Variants in TPST2 observed in about 807,000 individuals in gnomAD.
TPST2 encodes the protein tyrosylprotein sulfotransferase 2, also known as protein-tyrosine sulfotransferase 2.
In TPST2, 16 loss-of-function variants were observed where a neutral mutation model predicts 27.8. The ratio of observed to expected loss-of-function variants is 0.58; its 90% CI spans 0.39 to 0.88. The LOEUF (loss-of-function observed/expected upper bound fraction) is 0.88. Among genes scored for constraint, TPST2 ranks in the 40% least tolerant of loss-of-function variants. The pLI is 0.00. For missense variants in TPST2, 464 were observed against 543.1 expected (o/e 0.85, Z 1.45); for synonymous variants, 229 against 231.7 (o/e 0.99, Z 0.10).
chr22:26,556,519 G>A (rs551430179), intron 1 of TPST2, among the ~76,000 whole-genome samples: 6 of 152,262 alleles, frequency 3.9e-5, no homozygotes, highest in East Asian at 1.9e-4. Context: ...TAGCCTGGGC[G>A]ACAAGAGCGA....
At chr22:26,560,364 T>A (rs1400423613) in intron 1 of TPST2, among the ~76,000 whole-genome samples, 1 of 152,216 alleles carries the variant, frequency 6.6e-6, no homozygotes, top group Non-Finnish European at 1.5e-5. Flanking sequence ...TCCTCATTTG[T>A]AAAATGAGAA....
intron 1 of TPST2, among the ~76,000 whole-genome samples, chr22:26,569,375 A>G (rs2147229080): frequency 6.6e-6 from 1 of 152,354 alleles, no homozygotes; most frequent in South Asian, 2.1e-4. Context: ...ATGTACGTTC[A>G]GCTATTGATC....
intron 1 of TPST2, among the ~76,000 whole-genome samples, chr22:26,556,751 T>C (rs568009126): frequency 2.0e-5 from 3 of 152,322 alleles, no homozygotes; most frequent in South Asian, 4.1e-4. Flanking sequence ...ACAAAATCTA[T>C]GGCTGTTAGG....
At chr22:26,561,671 T>C (rs1927104159) in intron 1 of TPST2, among the ~76,000 whole-genome samples, 1 of 152,144 alleles carries the variant, frequency 6.6e-6, no homozygotes, top group African/African-American at 2.4e-5. Context: ...AAACAGCAGG[T>C]GCTCTAGGTC....
chr22:26,578,238 A>G (rs1360060416), intron 1 of TPST2, among the ~76,000 whole-genome samples: 1 of 152,118 alleles, frequency 6.6e-6, no homozygotes, highest in Non-Finnish European at 1.5e-5. Flanking sequence ...CAAGGCACAG[A>G]AAGGTGAAGT....
rs2267084 is a variant in TPST2 at position 26,546,046 on chromosome 22, C to T, written c.-160-1371G>A. 3.5e-3 allele frequency among the ~76,000 whole-genome samples: 501 copies of T among 142,486 alleles called. 14 individuals are homozygous for T. The East Asian group carries it at 0.067, about 19-fold the overall frequency. 93.5% of individuals were successfully genotyped at this position (142,486 alleles called of 152,430 possible). On this transcript the variant is annotated intron_variant, in intron 1 of 6. Coordinates refer to ENST00000338754, the MANE Select transcript of TPST2 (RefSeq NM_003595.5). ...GAGCTGTGATTGCATCACTGCACTA[C>T]AGTCTGGGCAACAGAGCAAGACCAC...
intron 1 of TPST2, among the ~76,000 whole-genome samples, chr22:26,549,573 C>G (rs1926336312): frequency 6.9e-6 from 1 of 145,980 alleles, no homozygotes; most frequent in Non-Finnish European, 1.5e-5. Flanking sequence ...AGAGGAATCG[C>G]TTGAACCTGG....
chr22:26,552,917 GC>G (rs1455836773), intron 1 of TPST2, among the ~76,000 whole-genome samples: 2 of 151,932 alleles, frequency 1.3e-5, no homozygotes, highest in Non-Finnish European at 2.9e-5. Flanking sequence ...AAAATTAGCC[GC>G]GCATGGTGGC....
chr22:26,566,067 T>C (rs13055271), intron 1 of TPST2, among the ~76,000 whole-genome samples: 32,072 of 152,130 alleles, frequency 0.21, 3,745 homozygotes, highest in East Asian at 0.38. Flanking sequence ...AGCAGCCACA[T>C]TTCGAGGGCT....
intron 4 of TPST2, among the ~76,000 whole-genome samples, 192 bp from the exon 5 acceptor site, chr22:26,532,937 C>T (rs1156421318): frequency 6.6e-6 from 1 of 152,074 alleles, no homozygotes; most frequent in Non-Finnish European, 1.5e-5. Context: ...ATGATGTTAA[C>T]CAGATAATGG....
intron 1 of TPST2, among the ~76,000 whole-genome samples, chr22:26,562,870 G>A (rs545215878): frequency 2.6e-5 from 4 of 152,190 alleles, no homozygotes; most frequent in South Asian, 2.1e-4. Context: ...TGATCTGCCC[G>A]CCTCGGCCTC....
chr22:26,556,772 C>T (rs1926822440), intron 1 of TPST2, among the ~76,000 whole-genome samples: 1 of 152,210 alleles, frequency 6.6e-6, no homozygotes, highest in African/African-American at 2.4e-5. Flanking sequence ...GCCAGGGAGC[C>T]ATGGTCCTGC....
chr22:26,581,952 C>T (rs1021426118), intron 1 of TPST2, among the ~76,000 whole-genome samples: 9 of 152,182 alleles, frequency 5.9e-5, no homozygotes, highest in African/African-American at 1.7e-4. Context: ...AGCTGTGTTC[C>T]GATAAAACTT....
chr22:26,534,279 G>C (rs898993010), intron 4 of TPST2, among the ~76,000 whole-genome samples: 5 of 152,104 alleles, frequency 3.3e-5, no homozygotes, highest in Admixed American at 1.3e-4. Flanking sequence ...AAGCACACAG[G>C]CATGCATGCA....
chr22:26,550,507 G>A (rs1204285231), intron 1 of TPST2: 1 of 855,552 alleles, frequency 1.2e-6, no homozygotes, highest in African/African-American at 1.8e-5. Flanking sequence ...AGGTTCCCAA[G>A]AGAAAAGCGG....
chr22:26,534,286 T>C (rs908174697), intron 4 of TPST2, among the ~76,000 whole-genome samples: 1 of 152,174 alleles, frequency 6.6e-6, no homozygotes, highest in African/African-American at 2.4e-5. Context: ...CAGGCATGCA[T>C]GCAAACTCAC....
intron 1 of TPST2, among the ~76,000 whole-genome samples, chr22:26,558,568 CAT>C (rs1926922968): frequency 1.3e-5 from 2 of 152,226 alleles, no homozygotes; most frequent in African/African-American, 2.4e-5. Flanking sequence ...GGTCCTCACA[CAT>C]GACTCACTGG....
At chr22:26,558,280 A>G (rs545337007) in intron 1 of TPST2, among the ~76,000 whole-genome samples, 1 of 151,900 alleles carries the variant, frequency 6.6e-6, no homozygotes, top group African/African-American at 2.4e-5. Context: ...CTGGGATTAC[A>G]GGCACTGGGC....
intron 6 of TPST2, among the ~76,000 whole-genome samples, chr22:26,526,872 G>A (rs1924871603): frequency 6.6e-6 from 1 of 152,164 alleles, no homozygotes; most frequent in African/African-American, 2.4e-5. Context: ...GAGGCCAGGA[G>A]TTTGAGACCA....
Sources: gnomAD v4.1 joint callset for allele counts (sites outside exome capture counted in the v4.1 genomes callset) on GRCh38, gnomAD v4.1.1 for gene constraint, MANE v1.5 for transcripts, NCBI Gene and HGNC (gene_info 2026-07-23, HGNC 2026-07-21) for gene names.